DGKE: variants seen among roughly 807,000 people sequenced by gnomAD.
The protein encoded by DGKE is DAG kinase epsilon.
A neutral mutation model predicts 70.0 loss-of-function variants in DGKE; 53 were observed. The observed-to-expected ratio is 0.76, with a 90% CI of 0.61 to 0.95. DGKE has a LOEUF of 0.95. DGKE is among the 40% of genes least tolerant of loss of function. The pLI is 0.00. For synonymous variants in DGKE, 291 were observed against 257.0 expected, an observed-to-expected ratio of 1.13 and a Z score of -1.27; for missense variants, 655 against 706.9, an observed-to-expected ratio of 0.93 and a Z score of 0.83.
At chr17:56,849,280 A>T (rs1433094399) in intron 7 of DGKE, 48 bp downstream of exon 7, 1 of 1,528,468 alleles carries the variant, frequency 6.5e-7, no homozygotes, top group Non-Finnish European at 9.0e-7. Context: ...TTCATTGCAC[A>T]AGATACGGCA....
chr17:56,835,287 C>T lies in DGKE; in HGVS notation c.464+28C>T, dbSNP rs201433428. On this transcript the variant is annotated intron_variant, in intron 2 of 11. Transcript: ENST00000284061. Reference sequence around the variant, plus strand: ...ATGGTCTTCGTGGACACTCACTGTCCCAGAATGCGCCGTGGGAATCAGGAT... The same window carrying T: ...ATGGTCTTCGTGGACACTCACTGTCTCAGAATGCGCCGTGGGAATCAGGAT... 1.4e-4 allele frequency: 226 copies of T among 1,574,660 alleles called. No homozygotes were observed. The African/African-American group carries it at 2.8e-3, about 20-fold the overall frequency.
Position 56,849,172 on chromosome 17 carries a change from G to C in DGKE, c.1047-9G>C, listed in dbSNP as rs753239987. ...AAACGTGCTGTTTTTTTTAACTTCT[G>C]TTTTTTAGATGGAAAGTTCAAGTAA... On this transcript the variant is annotated splice_polypyrimidine_tract_variant and intron_variant, in intron 6 of 11. Transcript: ENST00000284061. The C allele has an allele frequency of 1.9e-6, 3 of 1,607,410 alleles. No homozygotes were observed. Among genetic ancestry groups the C allele is most frequent in the Admixed American group, 1.7e-5 (1 of 58,422 alleles).
At position 56,852,229 on chromosome 17, in the gene DGKE, A is replaced by G. The variant is rs189395357; in HGVS notation, c.1098+2997A>G. ...GGTGTTCGAGACCAGTCTGGCCAAC[A>G]TGGTGAAACCCCATCTCTAATAAAA... is the stretch of plus-strand genomic sequence containing the variant. On this transcript the variant is annotated intron_variant, in intron 7 of 11. Coordinates refer to ENST00000284061, the MANE Select transcript of DGKE (RefSeq NM_003647.3). Among the ~76,000 whole-genome samples the G allele has an allele frequency of 2.4e-3, 371 of 152,220 alleles. 1 individual carries two copies. The highest frequency in any genetic ancestry group is 8.4e-3 in the African/African-American group (351 of 41,548).
rs186080591 is a variant in DGKE at position 56,848,862 on chromosome 17, C to T, written c.1046+9C>T. ...GGAATTAAACTAGATCGGTAAGTTA[C>T]GTTTCCCCAAAAAGTAGATTTCTTG... On this transcript the variant is annotated intron_variant, in intron 6 of 11. Transcript: ENST00000284061. 6.8e-6 allele frequency: 11 copies of T among 1,613,920 alleles called. No individual in the cohort carries two copies. Among genetic ancestry groups the T allele is most frequent in the Non-Finnish European group, 8.5e-6 (10 of 1,179,890 alleles).
chr17:56,855,675 A>G lies in DGKE; in HGVS notation c.1099-837A>G, dbSNP rs561327306. Among the ~76,000 whole-genome samples the G allele has an allele frequency of 1.1e-3, 170 of 152,296 alleles. 2 individuals carry two copies. The Middle Eastern group carries it at 0.014, about 12-fold the overall frequency. On this transcript the variant is annotated intron_variant, in intron 7 of 11. Transcript: ENST00000284061. ...ACCAGCAGTGTCCAGCAACCTGGAA[A>G]TAGAGCAGAGAAAACAGTTTGGTTT...
At chr17:56,856,443 T>G (rs2144273891) in intron 7 of DGKE, 69 bp from the exon 8 acceptor site, 3 of 1,480,156 alleles carry the variant, frequency 2.0e-6, no homozygotes, top group Non-Finnish European at 2.7e-6. Context: ...AGACTAAGAT[T>G]GACATTTAAT....
rs990714627 is a variant in DGKE at position 56,865,629 on chromosome 17, ATTAT to A, written c.*2845_*2848del. The A allele has an allele frequency of 2.6e-5, 4 of 152,126 alleles. No homozygotes were observed. Among genetic ancestry groups the A allele is most frequent in the Non-Finnish European group, 4.4e-5 (3 of 68,004 alleles). The allele number at this position is 152,126 out of a possible 1,614,324, so 9.4% of individuals were successfully genotyped here. A position where few individuals can be genotyped will look rare whatever the true frequency, so the allele number is the denominator to read the frequency against. Reference sequence around the variant, plus strand: ...AGTTTATACAAATTTTATAATCAAAATTATTTATTTTTATTTTTTTAGAGTATGT... The same window carrying A: ...AGTTTATACAAATTTTATAATCAAAATTATTTTTATTTTTTTAGAGTATGT... On this transcript the variant is annotated 3_prime_UTR_variant, in exon 12 of 12. Transcript: ENST00000284061.
Position 56,863,000 on chromosome 17 carries a change from A to G in DGKE, c.*209A>G, listed in dbSNP as rs1248659034. The G allele has an allele frequency of 4.0e-5, 17 of 422,874 alleles. No homozygotes were observed. 26.2% of individuals were successfully genotyped at this position (422,874 alleles called of 1,614,324 possible). A position where few individuals can be genotyped will look rare whatever the true frequency, so the allele number is the denominator to read the frequency against. On this transcript the variant is annotated 3_prime_UTR_variant, in exon 12 of 12. Coordinates refer to ENST00000284061, the MANE Select transcript of DGKE (RefSeq NM_003647.3). ...GTTCTTTTTTCAGCAAAATACTTCAAATGAATAGTATTAACTTACAAAAAG... is the reference window on the plus strand; with the variant it reads ...GTTCTTTTTTCAGCAAAATACTTCAGATGAATAGTATTAACTTACAAAAAG...
At chr17:56,852,739 T>G (rs953168568) in intron 7 of DGKE, among the ~76,000 whole-genome samples, 1 of 152,228 alleles carries the variant, frequency 6.6e-6, no homozygotes, top group African/African-American at 2.4e-5. Flanking sequence ...TTTCTCTTTT[T>G]GATAGTAGCC....
At chr17:56,842,604 G>C (rs1329429520) in intron 2 of DGKE, among the ~76,000 whole-genome samples, 3 of 152,190 alleles carry the variant, frequency 2.0e-5, no homozygotes, top group Non-Finnish European at 4.4e-5. Flanking sequence ...ATTATGCAGA[G>C]AACTCTTGCT....
At position 56,834,162 on chromosome 17, in the gene DGKE, C is replaced by T. The variant is rs1056148720; in HGVS notation, c.-117C>T. On this transcript the variant is annotated 5_prime_UTR_variant, in exon 1 of 12. Coordinates refer to ENST00000284061, the MANE Select transcript of DGKE (RefSeq NM_003647.3). ...GCGGCTGGAGCCTTAAGCGTTTCCC[C>T]CGCCCGGCTTCATCCCTGCTGGCGG... The T allele has an allele frequency of 1.3e-5, 2 of 152,462 alleles. No individual in the cohort carries two copies. The highest frequency in any genetic ancestry group is 1.9e-4 in the East Asian group (1 of 5,168). The allele number at this position is 152,462 out of a possible 1,614,324, so 9.4% of individuals were successfully genotyped here.
At chr17:56,842,298 A>G (rs1441395178) in intron 2 of DGKE, among the ~76,000 whole-genome samples, 1 of 152,146 alleles carries the variant, frequency 6.6e-6, no homozygotes, top group Non-Finnish European at 1.5e-5. Context: ...GTTCATGTTT[A>G]TATTCTGGTT....
chr17:56,867,387 G>A lies in DGKE; in HGVS notation c.*4596G>A, dbSNP rs1025228909. The A allele has an allele frequency of 6.6e-6, 1 of 152,064 alleles. No individual in the cohort carries two copies. The highest frequency in any genetic ancestry group is 2.4e-5 in the African/African-American group (1 of 41,390). 9.4% of individuals were successfully genotyped at this position (152,064 alleles called of 1,614,324 possible). A position where few individuals can be genotyped will look rare whatever the true frequency, so the allele number is the denominator to read the frequency against. On this transcript the variant is annotated 3_prime_UTR_variant, in exon 12 of 12. Transcript: ENST00000284061. ...GGCTAAGGGAGGCGTATCACCTGAG[G>A]TCAGGAGTTTGAGACAAGCCTGGTC... is the stretch of plus-strand genomic sequence containing the variant.
chr17:56,841,231 G>A (rs1426574594), intron 2 of DGKE, among the ~76,000 whole-genome samples: 5 of 136,096 alleles, frequency 3.7e-5, no homozygotes, highest in Non-Finnish European at 7.7e-5. Flanking sequence ...AAGCCTAGGC[G>A]ACAGAGTGAT....
intron 2 of DGKE, chr17:56,835,527 T>TA (rs1259954645): frequency 6.2e-6 from 3 of 485,514 alleles, no homozygotes; most frequent in Non-Finnish European, 1.1e-5. Flanking sequence ...CAGAGGTTTC[T>TA]AAGTGGTGCC....
Position 56,844,166 on chromosome 17 carries a change from A to G in DGKE, c.612A>G (p.Thr204=). 6.6e-7 allele frequency: 1 copy of G among 1,522,524 alleles called. No individual in the cohort carries two copies. The highest frequency in any genetic ancestry group is 8.8e-7 in the Non-Finnish European group (1 of 1,135,810). 94.3% of individuals were successfully genotyped at this position (1,522,524 alleles called of 1,614,324 possible). ...SINQMRKDKK[T]DYEVLASKLG... ...ATCAGATGCGTAAAGACAAAAAAAC[A>G]GATTATGAAGTGGTAATTAGAGTTT... The change falls in exon 3 of 12, where the codon ACA becomes ACG. Residue 204 remains threonine, a synonymous_variant. Coordinates refer to ENST00000284061, the MANE Select transcript of DGKE (RefSeq NM_003647.3).
chr17:56,863,458 T>A lies in DGKE; in HGVS notation c.*667T>A, dbSNP rs1270897958. ...GAGCTGCAATTCAGGATCTTTTTTA[T>A]AACACCAGTGTAGCCAAAAGAGAAA... On this transcript the variant is annotated 3_prime_UTR_variant, in exon 12 of 12. Coordinates refer to ENST00000284061, the MANE Select transcript of DGKE (RefSeq NM_003647.3). 1 of 152,254 alleles carries A rather than the reference T, an allele frequency of 6.6e-6. No individual in the cohort carries two copies. Among genetic ancestry groups the A allele is most frequent in the Admixed American group, 6.5e-5 (1 of 15,290 alleles). The allele number at this position is 152,254 out of a possible 1,614,324, so 9.4% of individuals were successfully genotyped here. A position where few individuals can be genotyped will look rare whatever the true frequency, so the allele number is the denominator to read the frequency against.
chr17:56,842,787 C>T (rs1275832044), intron 2 of DGKE, among the ~76,000 whole-genome samples: 2 of 152,084 alleles, frequency 1.3e-5, no homozygotes, highest in African/African-American at 4.8e-5. Flanking sequence ...TTTCTGGTGG[C>T]CTGCTTTATC....
At chr17:56,849,974 G>A in intron 7 of DGKE, among the ~76,000 whole-genome samples, 1 of 152,146 alleles carries the variant, frequency 6.6e-6, no homozygotes, top group Non-Finnish European at 1.5e-5. Context: ...GGGGGCAGGG[G>A]GAGTAGCCCA....
Sources: gnomAD v4.1 joint callset for allele counts (sites outside exome capture counted in the v4.1 genomes callset) on GRCh38, gnomAD v4.1.1 for gene constraint, MANE v1.5 for transcripts, NCBI Gene and HGNC (gene_info 2026-07-23, HGNC 2026-07-21) for gene names.